Variants in DCLRE1A observed in about 807,000 individuals in gnomAD.
The protein encoded by DCLRE1A is DNA cross-link repair 1A protein.
Under a neutral mutation model 91.9 loss-of-function variants are expected in DCLRE1A, and 64 were observed. The observed-to-expected ratio is 0.70, with a 90% CI of 0.57 to 0.86. The LOEUF is 0.86. Among genes scored for constraint, DCLRE1A ranks in the 40% least tolerant of loss-of-function variants. The pLI is 0.00. For synonymous variants in DCLRE1A, 416 were observed against 431.1 expected (o/e 0.96, Z 0.43); for missense variants, 1,145 against 1,213.3 (o/e 0.94, Z 0.84).
upstream of DCLRE1A, chr10:113,854,158 C>T: frequency 6.6e-6 from 1 of 152,510 alleles, no homozygotes; most frequent in East Asian, 1.9e-4. Context: ...CCCCACCTGC[C>T]ACTCGGCACC....
chr10:113,849,618 G>A lies in DCLRE1A; in HGVS notation c.1487C>T (p.Ala496Val). 6.2e-7 allele frequency: 1 copy of A among 1,614,060 alleles called. No homozygotes were observed. Among genetic ancestry groups the A allele is most frequent in the Non-Finnish European group, 8.5e-7 (1 of 1,180,012 alleles). Residue 496 changes from alanine (A) to valine (V), a missense_variant, in exon 2 of 9, where the codon GCT (alanine) becomes GTT (valine). Transcript: ENST00000361384. The part of the protein sequence containing the change: ...IRKLSSENLN[A>V]KNNTNSACFC... ...ACATGCTGAGTTAGTATTATTCTTAGCATTCAAGTTCTCACTTGATAATTT... is the reference window on the plus strand; with the variant it reads ...ACATGCTGAGTTAGTATTATTCTTAACATTCAAGTTCTCACTTGATAATTT...
rs1173942530 is a variant in DCLRE1A, at chr10:113,835,073, A to G, written c.*79T>C. The G allele has an allele frequency of 7.4e-7, 1 of 1,356,302 alleles. No homozygotes were observed. Among genetic ancestry groups the G allele is most frequent in the Non-Finnish European group, 1.0e-6 (1 of 986,586 alleles). The allele number at this position is 1,356,302 out of a possible 1,614,324, so 84.0% of individuals were successfully genotyped here. ...CATGAGGTTTTTCCACACAAAGTGT[A>G]TTTCACATTTCTATAGATTTAACTA... On this transcript the variant is annotated 3_prime_UTR_variant, in exon 9 of 9. Coordinates refer to ENST00000361384, the MANE Select transcript of DCLRE1A (RefSeq NM_014881.5).
chr10:113,837,118 T>C lies in DCLRE1A; in HGVS notation c.2906A>G (p.Lys969Arg), dbSNP rs766674728. 6.2e-7 allele frequency: 1 copy of C among 1,613,536 alleles called. No individual in the cohort carries two copies. Among genetic ancestry groups the C allele is most frequent in the Non-Finnish European group, 8.5e-7 (1 of 1,179,690 alleles). The change falls in exon 8 of 9, where the codon AAG becomes AGG. Residue 969 changes from lysine to arginine, a missense_variant. Physicochemically the swap from Lys to Arg is conservative, Grantham distance 26 (BLOSUM62 2). Coordinates refer to ENST00000361384, the MANE Select transcript of DCLRE1A (RefSeq NM_014881.5). ...FRPTGWTHSN[K>R]FTRIADVIPQ... is the part of the protein sequence containing the mutation. ...AATAACATCTGCTATTCTAGTGAAC[T>C]TGTTAGAGTGTGTCCATCCTGTAGG...
chr10:113,842,543 TA>T (rs1845462839), intron 5 of DCLRE1A, 55 bp from the exon 6 acceptor site: 2 of 1,526,042 alleles, frequency 1.3e-6, no homozygotes, highest in African/African-American at 2.8e-5. Context: ...GCCATCACCT[TA>T]AGCTGGATGC....
chr10:113,852,867 T>G lies in DCLRE1A; in HGVS notation c.316A>C (p.Lys106Gln). ...ATCTTTGGGGACACGTGTTGGCTTT[T>G]TTGAGTTCTACAGAGTTTTCCTGGA... Reference protein sequence around the residue: ...TTPGKLCRTQKSQHVSPKIRP... With the variant: ...TTPGKLCRTQQSQHVSPKIRP... The change falls in exon 1 of 9, where the codon AAA becomes CAA. Residue 106 changes from lysine (K) to glutamine (Q), a missense_variant. Lys to Gln is a moderately conservative substitution (Grantham distance 53, BLOSUM62 1). Transcript: ENST00000361384. 3 of 1,614,180 alleles carry G rather than the reference T, an allele frequency of 1.9e-6. No individual in the cohort carries two copies. The highest frequency in any genetic ancestry group is 2.5e-6 in the Non-Finnish European group (3 of 1,180,034).
Position 113,852,851 on chromosome 10 carries a change from G to A in DCLRE1A, c.332C>T (p.Ser111Phe), listed in dbSNP as rs1416093266. ...LCRTQKSQHV[S>F]PKIRPVYDGY... ...ATCATAAACTGGACGTATCTTTGGG[G>A]ACACGTGTTGGCTTTTTTGAGTTCT... Residue 111 changes from serine (S) to phenylalanine (F), a missense_variant, in exon 1 of 9, where the codon TCC becomes TTC. Ser to Phe is a radical substitution (Grantham distance 155). Coordinates refer to ENST00000361384, the MANE Select transcript of DCLRE1A (RefSeq NM_014881.5). 1 of 1,614,152 alleles carries A rather than the reference G, an allele frequency of 6.2e-7. No homozygotes were observed. Among genetic ancestry groups the A allele is most frequent in the South Asian group, 1.1e-5 (1 of 91,082 alleles).
intron 7 of DCLRE1A, among the ~76,000 whole-genome samples, chr10:113,837,673 C>T (rs553513098): frequency 6.6e-6 from 1 of 152,166 alleles, no homozygotes; most frequent in Non-Finnish European, 1.5e-5. Flanking sequence ...CATTTTACAG[C>T]TGCTTAATAG....
At chr10:113,835,667 G>C (rs376009040) in intron 8 of DCLRE1A, among the ~76,000 whole-genome samples, 1 of 152,136 alleles carries the variant, frequency 6.6e-6, no homozygotes, top group African/African-American at 2.4e-5. Flanking sequence ...AGGCATGGTG[G>C]CTCACGCCTG....
At position 113,852,895 on chromosome 10, in the gene DCLRE1A, A is replaced by G. The variant is rs2134674469; in HGVS notation, c.288T>C (p.Thr96=). The change falls in exon 1 of 9, where the codon ACT becomes ACC. Residue 96 remains threonine (T), a synonymous_variant. Coordinates refer to ENST00000361384, the MANE Select transcript of DCLRE1A (RefSeq NM_014881.5). ...GAGTTCTACAGAGTTTTCCTGGAGT[A>G]GTTTCCTTGTCTTGGGTCTGCTGAA... ...DGIQQTQDKE[T]TPGKLCRTQK... 1.2e-6 allele frequency: 2 copies of G among 1,614,104 alleles called. No individual in the cohort carries two copies. The highest frequency in any genetic ancestry group is 1.7e-6 in the Non-Finnish European group (2 of 1,180,024).
At chr10:113,839,686 C>T (rs193269670) in intron 7 of DCLRE1A, among the ~76,000 whole-genome samples, 45 of 152,224 alleles carry the variant, frequency 3.0e-4, no homozygotes, top group Middle Eastern at 6.8e-3. Context: ...TCACTTTCTG[C>T]GAGCTTACAG....
intron 2 of DCLRE1A, among the ~76,000 whole-genome samples, chr10:113,848,008 G>C (rs1201463429): frequency 6.6e-6 from 1 of 152,142 alleles, no homozygotes; most frequent in Non-Finnish European, 1.5e-5. Context: ...CATGGTTTTA[G>C]GATCATTTAA....
Position 113,849,655 on chromosome 10 carries a change from T to G in DCLRE1A, c.1450A>C (p.Asn484His). ...EGYLSSQPTQ[N>H]TIRKLSSENL... ...TCACTTGATAATTTTCTAATTGTAT[T>G]TTGGGTTGGTTGGGAAGAAAGATAC... Residue 484 changes from asparagine (N) to histidine (H), a missense_variant, in exon 2 of 9, where the codon AAT (asparagine) becomes CAT (histidine). By Grantham distance (68) the Asn-to-His change is moderately conservative (BLOSUM62 1). Transcript: ENST00000361384. 2 of 1,614,196 alleles carry G rather than the reference T, an allele frequency of 1.2e-6. No homozygotes were observed. Among genetic ancestry groups the G allele is most frequent in the Non-Finnish European group, 1.7e-6 (2 of 1,180,028 alleles).
rs1845488305 is a variant in DCLRE1A, at chr10:113,844,031, T to C, written c.2519+73A>G. On this transcript the variant is annotated intron_variant, in intron 5 of 8. Transcript: ENST00000361384. ...AATAATAATTGGCAATAAGCCATCA[T>C]TTTGATAACCATAATACAGAGAGCA... 3.2e-6 allele frequency: 5 copies of C among 1,550,608 alleles called. No homozygotes were observed. The Admixed American group carries it at 1.0e-4, about 32-fold the overall frequency.
At position 113,850,436 on chromosome 10, in the gene DCLRE1A, C is replaced by A. The variant is rs534445120; in HGVS notation, c.669G>T (p.Ser223=). The change falls in exon 2 of 9, where the codon TCG becomes TCT. Residue 223 remains serine (S), a synonymous_variant. Transcript: ENST00000361384. The stretch of plus-strand genomic sequence containing the variant: ...TCATCAATAAGGGATCATTTGAAAC[C>A]GAGTTATCAGTTTGGTTCTGATACG... ...WSSYQNQTDN[S]VSNDPLLMTQ... is the part of the protein sequence containing the mutation. 2 of 1,613,990 alleles carry A rather than the reference C, an allele frequency of 1.2e-6. No homozygotes were observed. The highest frequency in any genetic ancestry group is 2.7e-5 in the African/African-American group (2 of 74,904).
chr10:113,839,603 C>T (rs1845415904), intron 7 of DCLRE1A, among the ~76,000 whole-genome samples: 1 of 152,240 alleles, frequency 6.6e-6, no homozygotes, highest in African/African-American at 2.4e-5. Context: ...CTACTGAAGG[C>T]AATACCAGTA....
Position 113,849,136 on chromosome 10 carries a change from TA to T in DCLRE1A, c.1968del (p.Ile657LeufsTer10), listed in dbSNP as rs1345585501. ...TTGACTGCTTCAGATTCTGTATTAA[TA>T]AGGTGATCTGATCTCTTCTGACACG... ...EGACQKRSDH[L>X]INTESEAVNL... On this transcript the variant is annotated frameshift_variant, in exon 2 of 9. Transcript: ENST00000361384. LOFTEE classifies it high-confidence loss of function. 1 of 1,614,148 alleles carries T rather than the reference TA, an allele frequency of 6.2e-7. No individual in the cohort carries two copies. The highest frequency in any genetic ancestry group is 1.7e-5 in the Admixed American group (1 of 60,024).
chr10:113,835,613 G>A lies in DCLRE1A; in HGVS notation c.2963-301C>T, dbSNP rs185931590. ...GGTGGGAGGCGATTGGATCATGGGGGCAGATCTGCCCCTTGTTGTTCTTCT... is the reference window on the plus strand; with the variant it reads ...GGTGGGAGGCGATTGGATCATGGGGACAGATCTGCCCCTTGTTGTTCTTCT... On this transcript the variant is annotated intron_variant, in intron 8 of 8. Transcript: ENST00000361384. 3.5e-3 allele frequency among the ~76,000 whole-genome samples: 540 copies of A among 152,220 alleles called. 2 individuals carry two copies. Among genetic ancestry groups the A allele is most frequent in the African/African-American group, 0.012 (518 of 41,544 alleles).
intron 7 of DCLRE1A, 43 bp downstream of exon 7, chr10:113,841,362 AC>A: frequency 6.3e-7 from 1 of 1,588,224 alleles, no homozygotes; most frequent in Non-Finnish European, 8.6e-7. Flanking sequence ...TAATCAGATT[AC>A]CTTTTTTGTT....
Position 113,849,128 on chromosome 10 carries a change from T to C in DCLRE1A, c.1977A>G (p.Thr659=). The C allele has an allele frequency of 6.2e-7, 1 of 1,614,142 alleles. No homozygotes were observed. The highest frequency in any genetic ancestry group is 8.5e-7 in the Non-Finnish European group (1 of 1,180,022). The change falls in exon 2 of 9, where the codon ACA becomes ACG. Residue 659 remains threonine, a synonymous_variant. Coordinates refer to ENST00000361384, the MANE Select transcript of DCLRE1A (RefSeq NM_014881.5). ...TACTTAAATTGACTGCTTCAGATTC[T>C]GTATTAATAAGGTGATCTGATCTCT... ...CQKRSDHLIN[T]ESEAVNLSKV... is the part of the protein sequence containing the mutation.
Sources: gnomAD v4.1 joint callset for allele counts (sites outside exome capture counted in the v4.1 genomes callset) on GRCh38, gnomAD v4.1.1 for gene constraint, MANE v1.5 for transcripts, NCBI Gene and HGNC (gene_info 2026-07-23, HGNC 2026-07-21) for gene names.